LGSN: variants seen among roughly 807,000 people sequenced by gnomAD.
LGSN encodes lengsin.
A neutral mutation model predicts 19.5 loss-of-function variants in LGSN; 21 were observed. The ratio of observed to expected loss-of-function variants is 1.07; its 90% CI spans 0.76 to 1.55. The LOEUF (loss-of-function observed/expected upper bound fraction) is 1.55, where lower values mean the gene tolerates loss of function less well. Ranked by LOEUF, LGSN falls within the 40% of genes most tolerant of loss-of-function variation. The pLI, the probability that LGSN is intolerant of heterozygous loss-of-function variation, is 0.00. For missense variants in LGSN, 673 were observed against 608.5 expected, an observed-to-expected ratio of 1.11 and a Z score of -1.12; for synonymous variants, 257 against 215.6, an observed-to-expected ratio of 1.19 and a Z score of -1.68.
At chr6:63,431,796 G>A in the LGSN span, among the ~76,000 whole-genome samples, 2 of 152,066 alleles carry the variant, frequency 1.3e-5, no homozygotes, top group South Asian at 2.1e-4. Context: ...GCCGGGTGCA[G>A]TGGCTCATGC....
the LGSN span, among the ~76,000 whole-genome samples, chr6:63,399,665 G>A: frequency 1.3e-5 from 2 of 150,870 alleles, no homozygotes; most frequent in African/African-American, 4.9e-5. Flanking sequence ...CAAAGTGCTG[G>A]GATTATAGGT....
At chr6:63,514,039 T>C in the LGSN span, among the ~76,000 whole-genome samples, 53 of 151,238 alleles carry the variant, frequency 3.5e-4, no homozygotes, top group African/African-American at 1.2e-3. Context: ...ATGAATAATA[T>C]ATAAAATAAT....
intron 1 of LGSN, among the ~76,000 whole-genome samples, chr6:63,301,939 T>C (rs1055325988): frequency 1.3e-5 from 2 of 152,182 alleles, no homozygotes; most frequent in Non-Finnish European, 2.9e-5. Flanking sequence ...ATTTTGATAG[T>C]GTTTAAAACC....
At chr6:63,495,466 T>TG in the LGSN span, among the ~76,000 whole-genome samples, 6 of 112,150 alleles carry the variant, frequency 5.3e-5, no homozygotes, top group African/African-American at 1.8e-4. Flanking sequence ...CTTTTTTTTT[T>TG]TTTTTTTTTT....
chr6:63,291,187 CG>C (rs1475328212), intron 2 of LGSN, among the ~76,000 whole-genome samples: 2 of 152,150 alleles, frequency 1.3e-5, no homozygotes, highest in Non-Finnish European at 2.9e-5. Flanking sequence ...TTTTGGGTTG[CG>C]GCCCTACAGC....
chr6:63,418,420 G>A, the LGSN span, among the ~76,000 whole-genome samples: 3 of 152,142 alleles, frequency 2.0e-5, no homozygotes, highest in Non-Finnish European at 4.4e-5. Context: ...AATTAGCTGA[G>A]CGTGTTGGTG....
At chr6:63,316,989 T>A (rs1479408929) in intron 1 of LGSN, among the ~76,000 whole-genome samples, 1 of 152,092 alleles carries the variant, frequency 6.6e-6, no homozygotes, top group East Asian at 1.9e-4. Context: ...ATAGTTCTAG[T>A]CATTGTGCCT....
chr6:63,344,275 G>A, the LGSN span, among the ~76,000 whole-genome samples: 4 of 152,150 alleles, frequency 2.6e-5, no homozygotes, highest in East Asian at 1.9e-4. Flanking sequence ...TCTCAGTAAC[G>A]AAGCTGTAGT....
At chr6:63,485,864 G>T in the LGSN span, among the ~76,000 whole-genome samples, 1 of 152,078 alleles carries the variant, frequency 6.6e-6, no homozygotes, top group Non-Finnish European at 1.5e-5. Flanking sequence ...GAGTAGCTGG[G>T]ACTATGGACA....
chr6:63,452,752 C>A, the LGSN span, among the ~76,000 whole-genome samples: 1 of 150,672 alleles, frequency 6.6e-6, no homozygotes, highest in Non-Finnish European at 1.5e-5. Flanking sequence ...GTGTTGCATT[C>A]CATTTTTTTT....
chr6:63,307,640 C>T (rs921302317), intron 1 of LGSN, among the ~76,000 whole-genome samples: 3 of 152,180 alleles, frequency 2.0e-5, no homozygotes, highest in African/African-American at 4.8e-5. Context: ...GTGCAGCTCT[C>T]CCTGGTGGCA....
At chr6:63,481,540 G>C in the LGSN span, among the ~76,000 whole-genome samples, 1,499 of 151,888 alleles carry the variant, frequency 9.9e-3, 18 homozygotes, top group African/African-American at 0.033. Flanking sequence ...TAGAGACGGG[G>C]TTTCACTGTG....
intron 1 of LGSN, among the ~76,000 whole-genome samples, chr6:63,299,754 A>G (rs1342682670): frequency 6.6e-6 from 1 of 152,224 alleles, no homozygotes; most frequent in Non-Finnish European, 1.5e-5. Flanking sequence ...ATATTTGTCA[A>G]ATGAAGCAAG....
chr6:63,420,569 C>CT, the LGSN span, among the ~76,000 whole-genome samples: 1 of 152,200 alleles, frequency 6.6e-6, no homozygotes. Flanking sequence ...TGGGAGGTAT[C>CT]ATTAGAGGCC....
rs1767098742 is a variant in LGSN, at chr6:63,276,077, G to C, written c.*3944C>G. On this transcript the variant is annotated 3_prime_UTR_variant, in exon 4 of 4. Transcript: ENST00000370657. ...AACAGGGAAGGCACTGTGCACATAG[G>C]TAATGTTTAAAGACACAAATTCTTA... 2 of 152,114 alleles carry C rather than the reference G, an allele frequency of 1.3e-5. No homozygotes were observed. Among genetic ancestry groups the C allele is most frequent in the African/African-American group, 4.8e-5 (2 of 41,422 alleles). The allele number at this position is 152,114 out of a possible 1,614,324, so 9.4% of individuals were successfully genotyped here.
chr6:63,502,409 T>C, the LGSN span, among the ~76,000 whole-genome samples: 1 of 152,152 alleles, frequency 6.6e-6, no homozygotes, highest in Non-Finnish European at 1.5e-5. Flanking sequence ...AGATACCTGA[T>C]ATACTATGAC....
At chr6:63,441,426 T>A in the LGSN span, 2 of 458,756 alleles carry the variant, frequency 4.4e-6, no homozygotes, top group African/African-American at 4.0e-5. Context: ...AAGAATAACC[T>A]CTGGATCCCG....
the LGSN span, among the ~76,000 whole-genome samples, chr6:63,391,904 G>A: frequency 3.8e-4 from 58 of 152,266 alleles, 1 homozygote; most frequent in Middle Eastern, 0.01. Context: ...ATGGGTTGAC[G>A]CACAGAGCAA....
chr6:63,375,418 T>A, the LGSN span, among the ~76,000 whole-genome samples: 13 of 151,276 alleles, frequency 8.6e-5, no homozygotes, highest in Admixed American at 4.6e-4. Context: ...TTTATATTAT[T>A]ATATAGCAAT....
Sources: allele counts gnomAD v4.1 joint callset (sites outside exome capture counted in the v4.1 genomes callset), GRCh38; gene constraint gnomAD v4.1.1; transcripts MANE v1.5; gene names NCBI Gene and HGNC (gene_info 2026-07-23, HGNC 2026-07-21).